Variants in TNR observed in about 807,000 individuals in gnomAD.
TNR encodes the protein tenascin-R.
In TNR, 45 loss-of-function variants were observed where a neutral mutation model predicts 150.4. The observed-to-expected ratio is 0.30, with a 90% CI of 0.24 to 0.38. The LOEUF (loss-of-function observed/expected upper bound fraction) is 0.38, where lower values mean the gene tolerates loss of function less well. TNR is among the 10% of genes least tolerant of loss of function. The pLI, the probability that TNR is intolerant of heterozygous loss-of-function variation, is 1.00. For synonymous variants in TNR, 687 were observed against 678.4 expected (o/e 1.01, Z -0.20); for missense variants, 1,544 against 1,759.1 (o/e 0.88, Z 2.19).
chr1:175,563,360 G>T (rs780063821), intron 1 of TNR, among the ~76,000 whole-genome samples: 13 of 152,148 alleles, frequency 8.5e-5, no homozygotes, highest in Non-Finnish European at 1.5e-5. Context: ...GTATTTTCTG[G>T]ACAAGATCCA....
chr1:175,345,138 C>CA (rs1019704560), intron 18 of TNR, among the ~76,000 whole-genome samples: 80 of 151,954 alleles, frequency 5.3e-4, no homozygotes, highest in African/African-American at 1.8e-3. Flanking sequence ...AAAACAACAA[C>CA]AAAAAAACCC....
intron 2 of TNR, among the ~76,000 whole-genome samples, chr1:175,421,215 G>A (rs937222108): frequency 1.3e-5 from 2 of 152,134 alleles, no homozygotes; most frequent in African/African-American, 4.8e-5. Context: ...TCTCTCTATG[G>A]ATTTACTCAA....
chr1:175,737,877 T>C (rs923083382), intron 1 of TNR, among the ~76,000 whole-genome samples: 2 of 152,148 alleles, frequency 1.3e-5, no homozygotes, highest in African/African-American at 4.8e-5. Flanking sequence ...CCAGAACTCC[T>C]TCCCCCATTA....
At chr1:175,440,553 G>GA (rs977274745) in intron 2 of TNR, among the ~76,000 whole-genome samples, 5 of 150,740 alleles carry the variant, frequency 3.3e-5, no homozygotes, top group Non-Finnish European at 4.4e-5. Context: ...TAAAATAAAG[G>GA]AAAAAAAAGT....
At chr1:175,437,368 A>G (rs9793995) in intron 2 of TNR, among the ~76,000 whole-genome samples, 39,302 of 152,100 alleles carry the variant, frequency 0.26, 5,385 homozygotes, top group East Asian at 0.52. Context: ...TCTGGGACAC[A>G]TTCAAAGCAG....
At chr1:175,328,113 C>CACAAAA (rs956916339) in intron 21 of TNR, among the ~76,000 whole-genome samples, 2 of 152,066 alleles carry the variant, frequency 1.3e-5, no homozygotes, top group African/African-American at 4.8e-5. Context: ...ATCTCAAAAA[C>CACAAAA]ACAAAAACAA....
rs576356126 is a variant in TNR at position 175,673,956 on chromosome 1, G to A, written c.-165+69270C>T. 4.5e-4 allele frequency among the ~76,000 whole-genome samples: 69 copies of A among 152,358 alleles called. No individual in the cohort carries two copies. The South Asian group carries it at 0.014, about 30-fold the overall frequency. On this transcript the variant is annotated intron_variant, in intron 1 of 22. Transcript: ENST00000367674. Reference sequence around the variant, plus strand: ...GCCATCCACCTAGGAGGTGCTGGAGGCACTGATGCCTAAACTTCCCCTTCA... The same window carrying A: ...GCCATCCACCTAGGAGGTGCTGGAGACACTGATGCCTAAACTTCCCCTTCA...
rs753253348 is a variant in TNR, at chr1:175,362,827, C to G, written c.2708-18G>C. On this transcript the variant is annotated intron_variant, in intron 13 of 22. Coordinates refer to ENST00000367674, the MANE Select transcript of TNR (RefSeq NM_003285.3). ...TCGTCCCACTGGAGAAGAGAAGAAT[C>G]TACAGTTAAAATTCAGCAGCCCTTT... The G allele has an allele frequency of 6.2e-7, 1 of 1,613,518 alleles. No homozygotes were observed. The highest frequency in any genetic ancestry group is 1.1e-5 in the South Asian group (1 of 91,048).
chr1:175,520,857 C>A (rs1443041539), intron 2 of TNR, among the ~76,000 whole-genome samples: 1 of 151,902 alleles, frequency 6.6e-6, no homozygotes, highest in Non-Finnish European at 1.5e-5. Context: ...CTTATTTCTC[C>A]TCTTCTCTGC....
chr1:175,669,200 G>A (rs12025758), intron 1 of TNR, among the ~76,000 whole-genome samples: 37,582 of 152,154 alleles, frequency 0.25, 4,809 homozygotes, highest in Middle Eastern at 0.32. Flanking sequence ...TAAAGCATGT[G>A]AAAGATTAAA....
At chr1:175,342,725 C>A (rs909679051) in intron 18 of TNR, among the ~76,000 whole-genome samples, 1 of 152,204 alleles carries the variant, frequency 6.6e-6, no homozygotes, top group African/African-American at 2.4e-5. Flanking sequence ...GATGTGTTCA[C>A]CCTCAACAGA....
At chr1:175,681,557 G>A (rs1032067000) in intron 1 of TNR, among the ~76,000 whole-genome samples, 2 of 152,158 alleles carry the variant, frequency 1.3e-5, no homozygotes, top group Non-Finnish European at 2.9e-5. Context: ...GATTAAATCC[G>A]CCATCTCTCA....
At chr1:175,693,963 G>C (rs571073026) in intron 1 of TNR, among the ~76,000 whole-genome samples, 2 of 152,296 alleles carry the variant, frequency 1.3e-5, no homozygotes, top group Admixed American at 1.3e-4. Context: ...TTTAAATTCA[G>C]TATATGTAAA....
chr1:175,323,525 GCCCC>G, intron 22 of TNR, 49 bp from the exon 23 acceptor site: 2 of 1,593,408 alleles, frequency 1.3e-6, no homozygotes, highest in Admixed American at 1.7e-5. Flanking sequence ...ACCATGGAAC[GCCCC>G]ACTTCAAAAA....
intron 2 of TNR, among the ~76,000 whole-genome samples, chr1:175,438,679 G>T (rs1481222194): frequency 6.6e-6 from 1 of 152,188 alleles, no homozygotes; most frequent in Non-Finnish European, 1.5e-5. Flanking sequence ...CTTCAGCAAA[G>T]TCTCAGGATA....
chr1:175,598,492 T>C (rs1349518665), intron 1 of TNR, among the ~76,000 whole-genome samples: 1 of 152,244 alleles, frequency 6.6e-6, no homozygotes, highest in African/African-American at 2.4e-5. Context: ...GTTATAGTTT[T>C]CAGCAAGCAT....
chr1:175,625,594 C>T (rs139769228), intron 1 of TNR, among the ~76,000 whole-genome samples: 4 of 152,362 alleles, frequency 2.6e-5, no homozygotes, highest in South Asian at 2.1e-4. Flanking sequence ...CTGAGCAGAG[C>T]CTTCCCATGG....
intron 18 of TNR, among the ~76,000 whole-genome samples, chr1:175,342,090 A>G (rs1217906646): frequency 1.3e-5 from 2 of 152,232 alleles, no homozygotes; most frequent in Non-Finnish European, 2.9e-5. Flanking sequence ...ATACTGGGCT[A>G]AAAGATGGGA....
intron 1 of TNR, among the ~76,000 whole-genome samples, chr1:175,570,427 G>A (rs1661818202): frequency 6.6e-6 from 1 of 152,164 alleles, no homozygotes; most frequent in Admixed American, 6.5e-5. Flanking sequence ...TGGAGAGGGT[G>A]TGTGGGGGGT....
Sources: gnomAD v4.1 joint callset for allele counts (sites outside exome capture counted in the v4.1 genomes callset) on GRCh38, gnomAD v4.1.1 for gene constraint, MANE v1.5 for transcripts, NCBI Gene and HGNC (gene_info 2026-07-23, HGNC 2026-07-21) for gene names.